Variants in FAM174B observed in about 807,000 individuals in gnomAD.
FAM174B encodes the protein family with sequence similarity 174 member B.
Under a neutral mutation model 10.9 loss-of-function variants are expected in FAM174B, and 12 were observed. The ratio of observed to expected loss-of-function variants is 1.10; its 90% confidence interval spans 0.71 to 1.79. The LOEUF is 1.79. FAM174B is among the 40% of genes most tolerant of loss of function. The pLI is 0.00. For missense variants in FAM174B, 266 were observed against 233.3 expected (o/e 1.14, Z -0.91); for synonymous variants, 132 against 115.8 (o/e 1.14, Z -0.90).
At chr15:92,625,459 GGTTGA>G (rs1412494142) in intron 2 of FAM174B, among the ~76,000 whole-genome samples, 1 of 152,184 alleles carries the variant, frequency 6.6e-6, no homozygotes, top group Non-Finnish European at 1.5e-5. Flanking sequence ...TGAAACATTT[GGTTGA>G]GTTATGTCTA....
In FAM174B at chr15:92,655,559, G is replaced by T. The variant is rs535415700; in HGVS notation, c.101C>A (p.Ala34Glu). The T allele has an allele frequency of 1.5e-4, 204 of 1,388,980 alleles. 2 individuals are homozygous for T. In the East Asian group the frequency reaches 6.3e-3, roughly 43 times the overall value. 86.0% of individuals were successfully genotyped at this position (1,388,980 alleles called of 1,614,324 possible). The change falls in exon 1 of 3, where the codon GCG becomes GAG. Residue 34 changes from alanine (A) to glutamate (E), a missense_variant. Physicochemically the swap from Ala to Glu is moderately radical, Grantham distance 107. Coordinates refer to ENST00000327355, the MANE Select transcript of FAM174B (RefSeq NM_207446.3). ...ARASRAESVS[A>E]PWPEPERESR... ...CTCGCGCTCGGGTTCGGGCCACGGC[G>T]CGGAGACGGACTCGGCTCTGCTGGC...
chr15:92,628,171 ATT>A (rs35526965), intron 2 of FAM174B, among the ~76,000 whole-genome samples: 1 of 148,142 alleles, frequency 6.8e-6, no homozygotes. Context: ...TTTTCCCAAA[ATT>A]TTTTTTTTTG....
chr15:92,642,158 C>G (rs2050895986), intron 1 of FAM174B, among the ~76,000 whole-genome samples: 1 of 152,114 alleles, frequency 6.6e-6, no homozygotes, highest in Non-Finnish European at 1.5e-5. Context: ...AAAAGACAGA[C>G]AATAACAAAT....
At chr15:92,633,334 C>G (rs71412555) in intron 1 of FAM174B, among the ~76,000 whole-genome samples, 5,274 of 152,216 alleles carry the variant, frequency 0.035, 174 homozygotes, top group African/African-American at 0.079. Context: ...ACTTGGTCTT[C>G]TCTTAACTGA....
intron 2 of FAM174B, among the ~76,000 whole-genome samples, chr15:92,626,414 T>TA (rs941320837): frequency 7.9e-5 from 12 of 152,178 alleles, no homozygotes; most frequent in South Asian, 4.2e-4. Context: ...GGATTTTTTT[T>TA]AAAAAAATCA....
At chr15:92,636,245 C>T (rs2050855362) in intron 1 of FAM174B, among the ~76,000 whole-genome samples, 1 of 152,088 alleles carries the variant, frequency 6.6e-6, no homozygotes, top group South Asian at 2.1e-4. Flanking sequence ...ACCCAGGAGA[C>T]GGAGGTTGCA....
At chr15:92,653,515 A>T (rs539809171) in intron 1 of FAM174B, among the ~76,000 whole-genome samples, 4 of 152,238 alleles carry the variant, frequency 2.6e-5, no homozygotes, top group Non-Finnish European at 5.9e-5. Flanking sequence ...GTAGATGACA[A>T]TGGCACCTCT....
chr15:92,649,272 G>A (rs1190768975), intron 1 of FAM174B, among the ~76,000 whole-genome samples: 2 of 152,202 alleles, frequency 1.3e-5, no homozygotes, highest in African/African-American at 2.4e-5. Flanking sequence ...TCCACGTCAG[G>A]TGCCAGGTCT....
chr15:92,655,201 G>GGCTGGGGCGCACCAGGGCACCTGT (rs2050993491), intron 1 of FAM174B, 115 bp downstream of exon 1: 1 of 1,382,170 alleles, frequency 7.2e-7, no homozygotes, highest in Non-Finnish European at 9.4e-7. Context: ...GCACACGGCT[G>GGCTGGGGCGCACCAGGGCACCTGT]GCTGGGGCGC....
At chr15:92,645,401 A>G (rs2050919895) in intron 1 of FAM174B, 1 of 152,250 alleles carries the variant, frequency 6.6e-6, no homozygotes. Flanking sequence ...GAAGAGCTCA[A>G]TGACAAGTCT....
chr15:92,633,030 T>C (rs952321404), intron 1 of FAM174B, among the ~76,000 whole-genome samples: 2 of 152,198 alleles, frequency 1.3e-5, no homozygotes, highest in Non-Finnish European at 2.9e-5. Context: ...TCCTCCACTC[T>C]CTTGAACTTT....
chr15:92,632,103 G>C (rs1423063174), intron 1 of FAM174B, among the ~76,000 whole-genome samples: 1 of 152,208 alleles, frequency 6.6e-6, no homozygotes, highest in Non-Finnish European at 1.5e-5. Context: ...GATAAATAAA[G>C]AGGAATTAAA....
chr15:92,632,545 T>C (rs1238175477), intron 1 of FAM174B, among the ~76,000 whole-genome samples: 1 of 152,168 alleles, frequency 6.6e-6, no homozygotes, highest in East Asian at 1.9e-4. Flanking sequence ...GGTCGCATTC[T>C]ATCACCTAGG....
intron 1 of FAM174B, among the ~76,000 whole-genome samples, chr15:92,643,344 A>ATGTG (rs61322216): frequency 0.067 from 9,251 of 138,120 alleles, 659 homozygotes; most frequent in African/African-American, 0.18. Context: ...TAGGGAAGGA[A>ATGTG]TGTGTGTGTG....
chr15:92,634,790 G>A (rs1353752515), intron 1 of FAM174B: 1 of 152,200 alleles, frequency 6.6e-6, no homozygotes, highest in Non-Finnish European at 1.5e-5. Context: ...TCTGAGTACA[G>A]CAGATGGCCC....
At chr15:92,622,328 G>A (rs543383737) in intron 2 of FAM174B, among the ~76,000 whole-genome samples, 13 of 152,322 alleles carry the variant, frequency 8.5e-5, no homozygotes, top group African/African-American at 2.6e-4. Flanking sequence ...AAGTCCACCC[G>A]CACACACCAA....
At chr15:92,628,863 C>T (rs1277750053) in intron 2 of FAM174B, among the ~76,000 whole-genome samples, 1 of 152,022 alleles carries the variant, frequency 6.6e-6, no homozygotes, top group Non-Finnish European at 1.5e-5. Context: ...TATATCTTAA[C>T]AAAAATGTAT....
At chr15:92,629,903 C>T (rs2050779491) in intron 2 of FAM174B, among the ~76,000 whole-genome samples, 1 of 152,188 alleles carries the variant, frequency 6.6e-6, no homozygotes, top group Admixed American at 6.5e-5. Flanking sequence ...GCTCTCTTGC[C>T]TGCCATCATC....
intron 1 of FAM174B, among the ~76,000 whole-genome samples, chr15:92,646,259 T>A (rs1393914712): frequency 6.6e-6 from 1 of 152,236 alleles, no homozygotes; most frequent in Non-Finnish European, 1.5e-5. Flanking sequence ...CACTCTTGTA[T>A]TAAAATCCTC....
Sources: gnomAD v4.1 joint callset for allele counts (sites outside exome capture counted in the v4.1 genomes callset) on GRCh38, gnomAD v4.1.1 for gene constraint, MANE v1.5 for transcripts, NCBI Gene and HGNC (gene_info 2026-07-23, HGNC 2026-07-21) for gene names.